COX16: variants seen among roughly 807,000 people sequenced by gnomAD.
The protein encoded by COX16 is cytochrome c oxidase assembly factor COX16, also known as cytochrome c oxidase assembly protein COX16 homolog, mitochondrial.
In COX16, 12 loss-of-function variants were observed where a neutral mutation model predicts 15.4. The ratio of observed to expected loss-of-function variants is 0.78; its 90% CI spans 0.50 to 1.26. COX16 has a LOEUF of 1.26. Among genes scored for constraint, COX16 ranks in the 50% most tolerant of loss-of-function variants. The probability of loss-of-function intolerance (pLI) is 0.00; values close to 1 mark genes in which losing one functional copy is unlikely to be tolerated. For missense variants in COX16, 124 were observed against 127.6 expected (o/e 0.97, Z 0.14); for synonymous variants, 46 against 41.1 (o/e 1.12, Z -0.46).
At chr14:70,329,149 C>CA in intron 3 of COX16, 25 bp downstream of exon 3, 2 of 1,575,762 alleles carry the variant, frequency 1.3e-6, no homozygotes, top group Non-Finnish European at 1.7e-6. Context: ...TGTTATAAGA[C>CA]AGAGACTATA....
chr14:70,349,692 C>CAA (rs1886888771), intron 1 of COX16, among the ~76,000 whole-genome samples: 1 of 152,090 alleles, frequency 6.6e-6, no homozygotes, highest in East Asian at 1.9e-4. Flanking sequence ...TGCGCAACAC[C>CAA]AAAAGCACCC....
chr14:70,328,690 TTGAACTTTTTCA>T (rs1886174434), intron 3 of COX16, among the ~76,000 whole-genome samples: 1 of 152,206 alleles, frequency 6.6e-6, no homozygotes, highest in East Asian at 1.9e-4. Context: ...AAATGAATTG[TTGAACTTTTTCA>T]CATTGATTTG....
intron 1 of COX16, among the ~76,000 whole-genome samples, chr14:70,343,071 C>A (rs1035911305): frequency 6.6e-6 from 1 of 152,124 alleles, no homozygotes; most frequent in Non-Finnish European, 1.5e-5. Flanking sequence ...AAAACAAATT[C>A]AACAAATGAG....
chr14:70,340,777 A>C (rs1472037355), intron 2 of COX16, among the ~76,000 whole-genome samples: 1 of 152,174 alleles, frequency 6.6e-6, no homozygotes, highest in Non-Finnish European at 1.5e-5. Context: ...TACCTTATAG[A>C]ATATAAGTCA....
At chr14:70,350,110 G>A (rs547363789) in intron 1 of COX16, among the ~76,000 whole-genome samples, 50 of 152,176 alleles carry the variant, frequency 3.3e-4, no homozygotes, top group African/African-American at 1.2e-3. Flanking sequence ...GATTCTCCCC[G>A]GGGCCTGAAA....
At position 70,359,549 on chromosome 14, in the gene COX16, G is replaced by A; in HGVS notation, c.39C>T (p.Asn13=). Residue 13 remains asparagine, a synonymous_variant, in exon 1 of 4, where the codon AAC becomes AAT. Coordinates refer to ENST00000389912, the MANE Select transcript of COX16 (RefSeq NM_016468.7). ...TGGGGACTCCATAGCCGAGAGTCTT[G>A]TTCTTGCGAAAAGCACGCATCACCG... The part of the protein sequence containing the change: ...APAVMRAFRK[N]KTLGYGVPML... 6.2e-7 allele frequency: 1 copy of A among 1,614,106 alleles called. No homozygotes were observed. Among genetic ancestry groups the A allele is most frequent in the South Asian group, 1.1e-5 (1 of 91,072 alleles).
intron 2 of COX16, among the ~76,000 whole-genome samples, chr14:70,338,906 C>T (rs955293942): frequency 6.6e-6 from 1 of 152,128 alleles, no homozygotes; most frequent in Non-Finnish European, 1.5e-5. Flanking sequence ...CAGTATGCTC[C>T]GTTTTGGTTA....
At chr14:70,349,711 TA>T (rs569017699) in intron 1 of COX16, among the ~76,000 whole-genome samples, 29 of 152,302 alleles carry the variant, frequency 1.9e-4, no homozygotes, top group South Asian at 1.4e-3. Context: ...CCTCTTTTTA[TA>T]GTCCCTTTGC....
intron 1 of COX16, chr14:70,359,201 G>A: frequency 2.0e-6 from 1 of 493,392 alleles, no homozygotes; most frequent in East Asian, 5.7e-5. Context: ...TGAATTCTCT[G>A]AGCTTCAATT....
At chr14:70,352,482 C>T (rs1218215306) in intron 1 of COX16, among the ~76,000 whole-genome samples, 1 of 151,994 alleles carries the variant, frequency 6.6e-6, no homozygotes, top group Admixed American at 6.5e-5. Flanking sequence ...CCACCACACC[C>T]AGTGGAGATC....
chr14:70,336,939 G>T (rs1432274198), intron 2 of COX16, among the ~76,000 whole-genome samples: 1 of 152,114 alleles, frequency 6.6e-6, no homozygotes, highest in Non-Finnish European at 1.5e-5. Flanking sequence ...GCAGTCTCTT[G>T]GAGTTTAAGA....
chr14:70,345,487 G>A (rs1409690531), intron 1 of COX16, among the ~76,000 whole-genome samples: 1 of 152,074 alleles, frequency 6.6e-6, no homozygotes, highest in African/African-American at 2.4e-5. Context: ...CCAAACAACA[G>A]CCCTCTAGGC....
chr14:70,345,567 C>T (rs992000119), intron 1 of COX16, among the ~76,000 whole-genome samples: 1 of 152,062 alleles, frequency 6.6e-6, no homozygotes, highest in Non-Finnish European at 1.5e-5. Context: ...GTCTTTTTTG[C>T]AATACAGCCT....
intron 1 of COX16, among the ~76,000 whole-genome samples, chr14:70,343,624 T>A (rs1886687444): frequency 6.6e-6 from 1 of 152,244 alleles, no homozygotes; most frequent in African/African-American, 2.4e-5. Context: ...AATATGGCTA[T>A]ACAGGTCACA....
rs1035988475 is a variant in COX16 at position 70,348,302 on chromosome 14, C to T, written c.70-5573G>A. Among the ~76,000 whole-genome samples the T allele has an allele frequency of 4.6e-5, 7 of 152,188 alleles. No homozygotes were observed. In the South Asian group the frequency reaches 8.3e-4, roughly 18 times the overall value. On this transcript the variant is annotated intron_variant, in intron 1 of 3. Coordinates refer to ENST00000389912, the MANE Select transcript of COX16 (RefSeq NM_016468.7). ...TGTACTAAGTCTCATCTCTGCCCCA[C>T]GGCTCCTCCAACTGTATGCTCTGTT...
At chr14:70,354,161 T>C (rs992051254) in intron 1 of COX16, among the ~76,000 whole-genome samples, 2 of 151,458 alleles carry the variant, frequency 1.3e-5, no homozygotes, top group Non-Finnish European at 2.9e-5. Context: ...AAAACAACAA[T>C]AATAATAATA....
chr14:70,335,100 A>T (rs1245074193), intron 2 of COX16, among the ~76,000 whole-genome samples: 1 of 152,204 alleles, frequency 6.6e-6, no homozygotes, highest in African/African-American at 2.4e-5. Context: ...CTAAAAAGAG[A>T]CAACGAAGGA....
intron 1 of COX16, among the ~76,000 whole-genome samples, chr14:70,350,923 C>T (rs1194701978): frequency 6.6e-6 from 1 of 152,204 alleles, no homozygotes; most frequent in Non-Finnish European, 1.5e-5. Context: ...CTGAAAACTT[C>T]TATAGACTGG....
chr14:70,344,348 G>A (rs1886711687), intron 1 of COX16, among the ~76,000 whole-genome samples: 1 of 152,368 alleles, frequency 6.6e-6, no homozygotes, highest in South Asian at 2.1e-4. Context: ...TTTTGTTTCA[G>A]AGTCAAACCA....
Sources: gnomAD v4.1 joint callset for allele counts (sites outside exome capture counted in the v4.1 genomes callset) on GRCh38, gnomAD v4.1.1 for gene constraint, MANE v1.5 for transcripts, NCBI Gene and HGNC (gene_info 2026-07-23, HGNC 2026-07-21) for gene names.